Variants in MLLT3 observed in about 807,000 individuals in gnomAD.
The protein encoded by MLLT3 is protein AF-9.
Under a neutral mutation model 53.2 loss-of-function variants are expected in MLLT3, and 4 were observed. The ratio of observed to expected loss-of-function variants is 0.08; its 90% confidence interval spans 0.04 to 0.17. MLLT3 has a LOEUF of 0.17. Among genes scored for constraint, MLLT3 ranks in the 10% least tolerant of loss-of-function variants. MLLT3 has a pLI of 1.00. For missense variants in MLLT3, 569 were observed against 684.0 expected, an observed-to-expected ratio of 0.83 and a Z score of 1.87; for synonymous variants, 283 against 230.6, an observed-to-expected ratio of 1.23 and a Z score of -2.06.
intron 2 of MLLT3, among the ~76,000 whole-genome samples, chr9:20,580,163 G>A (rs1489410398): frequency 2.0e-5 from 3 of 152,092 alleles, no homozygotes; most frequent in African/African-American, 7.2e-5. Context: ...CCATGCTAAT[G>A]GTCATAAATG....
At chr9:20,480,275 CCTTT>C (rs1217568365) in intron 2 of MLLT3, among the ~76,000 whole-genome samples, 64 of 152,258 alleles carry the variant, frequency 4.2e-4, no homozygotes, top group African/African-American at 1.4e-3. Context: ...GCTTCCTGAG[CCTTT>C]CTATTTCATT....
At chr9:20,595,646 G>C (rs1241446278) in intron 2 of MLLT3, among the ~76,000 whole-genome samples, 1 of 152,106 alleles carries the variant, frequency 6.6e-6, no homozygotes, top group Non-Finnish European at 1.5e-5. Flanking sequence ...ATCAAAAAAA[G>C]ATCAGCAGTA....
intron 2 of MLLT3, among the ~76,000 whole-genome samples, chr9:20,492,213 A>T (rs1824964423): frequency 6.6e-6 from 1 of 152,058 alleles, no homozygotes; most frequent in South Asian, 2.1e-4. Flanking sequence ...AGGTGTTCCT[A>T]AAGTAAATTG....
intron 5 of MLLT3, among the ~76,000 whole-genome samples, chr9:20,395,625 C>T (rs547837056): frequency 1.3e-5 from 2 of 152,244 alleles, no homozygotes; most frequent in African/African-American, 4.8e-5. Flanking sequence ...AAAAACTTGG[C>T]ATCTTTCTCC....
At chr9:20,394,424 T>C (rs1822267658) in intron 5 of MLLT3, among the ~76,000 whole-genome samples, 1 of 152,178 alleles carries the variant, frequency 6.6e-6, no homozygotes, top group Admixed American at 6.6e-5. Context: ...GACCTGGCCC[T>C]GAGTTAGAGA....
chr9:20,592,226 A>T (rs1021263021), intron 2 of MLLT3, among the ~76,000 whole-genome samples: 1 of 152,124 alleles, frequency 6.6e-6, no homozygotes, highest in Non-Finnish European at 1.5e-5. Flanking sequence ...CCCAACTTAC[A>T]TGTGGTTTTA....
intron 2 of MLLT3, among the ~76,000 whole-genome samples, chr9:20,496,271 T>C (rs1336429896): frequency 6.6e-6 from 1 of 152,326 alleles, no homozygotes; most frequent in Admixed American, 6.5e-5. Context: ...TGCTACAGAA[T>C]GTTTCCTTGA....
intron 2 of MLLT3, among the ~76,000 whole-genome samples, chr9:20,569,855 C>G (rs1284881040): frequency 6.6e-6 from 1 of 152,178 alleles, no homozygotes; most frequent in Non-Finnish European, 1.5e-5. Context: ...AGCAGAAGCT[C>G]AGTAAAGTCT....
chr9:20,533,252 T>C (rs1304139322), intron 2 of MLLT3: 8 of 322,824 alleles, frequency 2.5e-5, no homozygotes, highest in Non-Finnish European at 4.9e-5. Context: ...TATGATGAGA[T>C]CTGCCGTCAC....
intron 2 of MLLT3, among the ~76,000 whole-genome samples, chr9:20,615,258 G>C (rs891824931): frequency 2.7e-5 from 4 of 148,702 alleles, no homozygotes; most frequent in Non-Finnish European, 5.9e-5. Flanking sequence ...AATGGCTTGA[G>C]ACCAGGAGAT....
chr9:20,556,305 G>T (rs1819056173), intron 2 of MLLT3, among the ~76,000 whole-genome samples: 1 of 151,998 alleles, frequency 6.6e-6, no homozygotes, highest in Admixed American at 6.6e-5. Context: ...TTAATTTTCA[G>T]TATTGATATA....
At chr9:20,510,177 C>G (rs568660400) in intron 2 of MLLT3, among the ~76,000 whole-genome samples, 21 of 151,900 alleles carry the variant, frequency 1.4e-4, no homozygotes, top group Non-Finnish European at 2.9e-4. Flanking sequence ...GAGTTAATGT[C>G]TTTAAAGAAT....
chr9:20,597,637 G>A (rs1410579729), intron 2 of MLLT3, among the ~76,000 whole-genome samples: 1 of 152,094 alleles, frequency 6.6e-6, no homozygotes, highest in Non-Finnish European at 1.5e-5. Flanking sequence ...CTGCAGAGTG[G>A]TGTCATGTAT....
At chr9:20,471,683 C>T (rs1009374093) in intron 2 of MLLT3, among the ~76,000 whole-genome samples, 2 of 152,020 alleles carry the variant, frequency 1.3e-5, no homozygotes, top group African/African-American at 4.8e-5. Context: ...GCCAAACATT[C>T]GTCTTAAAAC....
At position 20,471,434 on chromosome 9, in the gene MLLT3, C is replaced by G. The variant is rs1824393290; in HGVS notation, c.194-14648G>C. On this transcript the variant is annotated intron_variant, in intron 2 of 10. Coordinates refer to ENST00000380338, the MANE Select transcript of MLLT3 (RefSeq NM_004529.4). ...ACCTATGCGTACTTTCCATTCTACA[C>G]CTTTTCCTATGAAAATCACACAAGA... is the stretch of plus-strand genomic sequence containing the variant. Among the ~76,000 whole-genome samples the G allele has an allele frequency of 2.0e-5, 3 of 152,004 alleles. No homozygotes were observed. The South Asian group carries it at 6.2e-4, about 32-fold the overall frequency.
At chr9:20,589,508 A>G (rs1407627337) in intron 2 of MLLT3, among the ~76,000 whole-genome samples, 9 of 150,372 alleles carry the variant, frequency 6.0e-5, no homozygotes, top group African/African-American at 2.0e-4. Context: ...TGGGTGCAGC[A>G]CACCAGCATG....
chr9:20,616,226 G>A (rs1006885226), intron 2 of MLLT3, among the ~76,000 whole-genome samples: 2 of 152,016 alleles, frequency 1.3e-5, no homozygotes, highest in African/African-American at 2.4e-5. Context: ...AGACACAGAA[G>A]TAACTTGTCC....
chr9:20,376,923 C>T (rs1031450199), intron 5 of MLLT3, among the ~76,000 whole-genome samples: 1 of 152,208 alleles, frequency 6.6e-6, no homozygotes, highest in African/African-American at 2.4e-5. Flanking sequence ...CCTATAAACA[C>T]AGTACTATTT....
rs899323857 is a variant in MLLT3, at chr9:20,344,260, AT to A, written c.*2182del. ...GGCAAATCATATTTTTTGCCCCACAATTTAGTTACAGAAATAAAAATGGCCC... is the reference window on the plus strand; with the variant it reads ...GGCAAATCATATTTTTTGCCCCACAATTAGTTACAGAAATAAAAATGGCCC... On this transcript the variant is annotated 3_prime_UTR_variant, in exon 11 of 11. Coordinates refer to ENST00000380338, the MANE Select transcript of MLLT3 (RefSeq NM_004529.4). 1 of 198,750 alleles carries A rather than the reference AT, an allele frequency of 5.0e-6. No individual in the cohort carries two copies. The highest frequency in any genetic ancestry group is 1.0e-5 in the Non-Finnish European group (1 of 96,286). The allele number at this position is 198,750 out of a possible 1,614,324, so 12.3% of individuals were successfully genotyped here.
Sources: allele counts gnomAD v4.1 joint callset (sites outside exome capture counted in the v4.1 genomes callset), GRCh38; gene constraint gnomAD v4.1.1; transcripts MANE v1.5; gene names NCBI Gene and HGNC (gene_info 2026-07-23, HGNC 2026-07-21).